SDK1: variants seen among roughly 807,000 people sequenced by gnomAD.
SDK1 encodes the protein protein sidekick-1.
SDK1 carries 157 observed loss-of-function variants against 245.5 expected under a neutral mutation model. That is an observed-to-expected ratio of 0.64 (90% CI 0.56 to 0.73). SDK1 has a LOEUF of 0.73. Ranked by LOEUF, SDK1 falls within the 30% of genes least tolerant of loss-of-function variation. The pLI, the probability that SDK1 is intolerant of heterozygous loss-of-function variation, is 0.00. For synonymous variants in SDK1, 1,647 were observed against 1,278.5 expected, an observed-to-expected ratio of 1.29 and a Z score of -6.15; for missense variants, 3,583 against 3,002.3, an observed-to-expected ratio of 1.19 and a Z score of -4.52.
At chr7:3,715,183 C>A (rs527434230) in intron 4 of SDK1, among the ~76,000 whole-genome samples, 38 of 152,152 alleles carry the variant, frequency 2.5e-4, no homozygotes, top group African/African-American at 9.2e-4. Context: ...TCACCCTGTT[C>A]ACAAATATAC....
chr7:3,688,882 G>A (rs919799299), intron 4 of SDK1, among the ~76,000 whole-genome samples: 1 of 152,074 alleles, frequency 6.6e-6, no homozygotes. Context: ...TTGCCATTTT[G>A]TTCAGAACAG....
intron 1 of SDK1, among the ~76,000 whole-genome samples, chr7:3,545,697 A>G (rs1362005813): frequency 6.6e-6 from 1 of 152,220 alleles, no homozygotes; most frequent in African/African-American, 2.4e-5. Flanking sequence ...TTACCAGGCC[A>G]GAGCTGGGCA....
intron 36 of SDK1, 68 bp downstream of exon 36, chr7:4,206,062 T>C (rs775027750): frequency 1.5e-5 from 16 of 1,038,322 alleles, no homozygotes; most frequent in Non-Finnish European, 2.2e-5. Flanking sequence ...TGGTCCTGCC[T>C]ACTGCATTGC....
intron 1 of SDK1, among the ~76,000 whole-genome samples, chr7:3,578,814 C>T (rs1780390064): frequency 1.3e-5 from 2 of 151,828 alleles, no homozygotes; most frequent in Admixed American, 1.3e-4. Context: ...CGCTGTTATT[C>T]TGTTCTTTTT....
chr7:3,343,417 T>A (rs926102394), intron 1 of SDK1, among the ~76,000 whole-genome samples: 1 of 152,192 alleles, frequency 6.6e-6, no homozygotes, highest in African/African-American at 2.4e-5. Flanking sequence ...TTATATGTTG[T>A]ATAATTCCAT....
At chr7:3,595,674 G>A (rs549480570) in intron 1 of SDK1, among the ~76,000 whole-genome samples, 23 of 151,450 alleles carry the variant, frequency 1.5e-4, no homozygotes, top group Non-Finnish European at 2.8e-4. Context: ...CACTTCCTGC[G>A]TGACTTTGAA....
intron 1 of SDK1, among the ~76,000 whole-genome samples, chr7:3,488,701 C>A (rs148953906): frequency 1.4e-4 from 22 of 152,186 alleles, no homozygotes; most frequent in African/African-American, 5.1e-4. Context: ...CATAAGAAGT[C>A]CTGGAGTAGG....
chr7:3,597,184 A>G (rs552073867), intron 1 of SDK1, among the ~76,000 whole-genome samples: 90 of 151,292 alleles, frequency 5.9e-4, no homozygotes, highest in African/African-American at 2.1e-3. Flanking sequence ...AGGCAGGAGA[A>G]TGGCGTGAAC....
At position 4,019,319 on chromosome 7, in the gene SDK1, G is replaced by C. The variant is rs112415329; in HGVS notation, c.2602+1967G>C. On this transcript the variant is annotated intron_variant, in intron 17 of 44. Transcript: ENST00000404826. The stretch of plus-strand genomic sequence containing the variant: ...AAGGCAGAACCAGCACTGACATCCA[G>C]GCTTCCAAGACAAGACTGCTGTTCT... Among the ~76,000 whole-genome samples the C allele has an allele frequency of 7.9e-5, 12 of 152,312 alleles. 1 individual carries two copies. The highest frequency in any genetic ancestry group is 4.1e-4 in the South Asian group (2 of 4,822).
At chr7:3,762,423 A>G (rs1415008244) in intron 4 of SDK1, among the ~76,000 whole-genome samples, 1 of 152,260 alleles carries the variant, frequency 6.6e-6, no homozygotes, top group Non-Finnish European at 1.5e-5. Context: ...CGTAGGTAAA[A>G]GCAAAAAACA....
chr7:3,625,425 C>T (rs1782084106), intron 2 of SDK1, among the ~76,000 whole-genome samples: 1 of 152,188 alleles, frequency 6.6e-6, no homozygotes, highest in Non-Finnish European at 1.5e-5. Context: ...AACTTGGGAT[C>T]TCCTGATGAC....
At chr7:3,465,447 AG>A (rs1350650439) in intron 1 of SDK1, among the ~76,000 whole-genome samples, 1 of 152,236 alleles carries the variant, frequency 6.6e-6, no homozygotes, top group East Asian at 1.9e-4. Flanking sequence ...ACTGAAGTTG[AG>A]AAGTGTTTCC....
At chr7:4,015,205 T>A (rs1010963031) in intron 16 of SDK1, among the ~76,000 whole-genome samples, 3 of 152,144 alleles carry the variant, frequency 2.0e-5, no homozygotes, top group African/African-American at 7.2e-5. Context: ...CTCAGAGAAG[T>A]TTGGAATTTT....
intron 1 of SDK1, among the ~76,000 whole-genome samples, chr7:3,348,917 CT>C (rs1211779160): frequency 6.6e-6 from 1 of 152,176 alleles, no homozygotes; most frequent in Non-Finnish European, 1.5e-5. Context: ...GAAAAGCTGC[CT>C]GTCACATGAA....
chr7:4,124,864 G>T (rs896780415), intron 25 of SDK1, among the ~76,000 whole-genome samples: 1 of 152,120 alleles, frequency 6.6e-6, no homozygotes, highest in Non-Finnish European at 1.5e-5. Context: ...CGAATGGATG[G>T]ATGGGTGGAT....
chr7:3,653,862 T>C (rs1783080185), intron 4 of SDK1, among the ~76,000 whole-genome samples: 1 of 152,268 alleles, frequency 6.6e-6, no homozygotes, highest in South Asian at 2.1e-4. Context: ...CACTTCAGCT[T>C]CACTTATGAA....
At chr7:4,195,253 C>G (rs981063917) in intron 35 of SDK1, among the ~76,000 whole-genome samples, 1 of 152,196 alleles carries the variant, frequency 6.6e-6, no homozygotes, top group Admixed American at 6.5e-5. Context: ...AAATGGTGCA[C>G]CGTGATTTCT....
At chr7:3,307,573 A>G (rs1169547413) in intron 1 of SDK1, among the ~76,000 whole-genome samples, 1 of 152,154 alleles carries the variant, frequency 6.6e-6, no homozygotes. Context: ...GTGCAATTCT[A>G]GTGTTTAGGT....
At chr7:3,491,273 C>T (rs1467197910) in intron 1 of SDK1, among the ~76,000 whole-genome samples, 2 of 152,302 alleles carry the variant, frequency 1.3e-5, no homozygotes, top group East Asian at 3.9e-4. Flanking sequence ...GTATTGTAAT[C>T]ACCTGAGGGT....
Sources: gnomAD v4.1 joint callset for allele counts (sites outside exome capture counted in the v4.1 genomes callset) on GRCh38, gnomAD v4.1.1 for gene constraint, MANE v1.5 for transcripts, NCBI Gene and HGNC (gene_info 2026-07-23, HGNC 2026-07-21) for gene names.